CHD1: variants seen among roughly 807,000 people sequenced by gnomAD.
CHD1 encodes the protein ATP-dependent chromatin remodeler CHD1.
In CHD1, 36 loss-of-function variants were observed where a neutral mutation model predicts 224.2. The observed-to-expected ratio is 0.16, with a 90% CI of 0.12 to 0.21. CHD1 has a LOEUF of 0.21. Ranked by LOEUF, CHD1 falls within the 10% of genes least tolerant of loss-of-function variation. CHD1 has a pLI of 1.00. For missense variants in CHD1, 1,378 were observed against 1,994.8 expected (o/e 0.69, Z 5.89); for synonymous variants, 668 against 658.3 (o/e 1.01, Z -0.23).
intron 19 of CHD1, among the ~76,000 whole-genome samples, chr5:98,882,608 G>T (rs770650563): frequency 9.2e-5 from 14 of 152,074 alleles, no homozygotes; most frequent in Non-Finnish European, 1.8e-4. Context: ...CTAGGTCAAA[G>T]ATTCTGCAGT....
At chr5:98,925,303 C>T (rs1392211841) in intron 2 of CHD1, among the ~76,000 whole-genome samples, 1 of 152,096 alleles carries the variant, frequency 6.6e-6, no homozygotes, top group African/African-American at 2.4e-5. Context: ...CACTATGCTG[C>T]CTAAACTGGT....
rs775622737 is a variant in CHD1 at position 98,872,460 on chromosome 5, G to T, written c.3667C>A (p.Pro1223Thr). 1.2e-6 allele frequency: 2 copies of T among 1,613,022 alleles called. No individual in the cohort carries two copies. The highest frequency in any genetic ancestry group is 1.3e-5 in the African/African-American group (1 of 74,788). Reference protein sequence around the residue: ...LVISHEEELIPLHKSIPSDPE... With the variant: ...LVISHEEELITLHKSIPSDPE... ...TCAGAAGGAATGGATTTGTGCAAAG[G>T]TATTAATTCTTCTTCATGGGAGATG... The change falls in exon 27 of 36, where the codon CCT (proline) becomes ACT (threonine). Residue 1223 changes from proline to threonine, a missense_variant. Pro to Thr is a conservative substitution (Grantham distance 38). Coordinates refer to ENST00000614616, the MANE Select transcript of CHD1 (RefSeq NM_001270.4).
intron 2 of CHD1, among the ~76,000 whole-genome samples, chr5:98,913,387 T>A (rs996421104): frequency 6.6e-6 from 1 of 152,034 alleles, no homozygotes; most frequent in Non-Finnish European, 1.5e-5. Flanking sequence ...GGGAGGAGGA[T>A]CCCTTAAACC....
chr5:98,915,921 G>A (rs545780124), intron 2 of CHD1, among the ~76,000 whole-genome samples: 10 of 152,218 alleles, frequency 6.6e-5, no homozygotes, highest in South Asian at 2.1e-4. Flanking sequence ...GGCTGGGCGC[G>A]GTGGCTCACA....
At chr5:98,910,881 CA>C (rs901333200) in intron 2 of CHD1, among the ~76,000 whole-genome samples, 57 of 149,098 alleles carry the variant, frequency 3.8e-4, no homozygotes, top group Non-Finnish European at 5.5e-4. Context: ...AATAGTGATA[CA>C]AAAAAAAATG....
chr5:98,858,537 G>A lies in CHD1; in HGVS notation c.4577-147C>T, dbSNP rs143451183. On this transcript the variant is annotated intron_variant, in intron 34 of 35. Coordinates refer to ENST00000614616, the MANE Select transcript of CHD1 (RefSeq NM_001270.4). ...AGCAGTTAAAGCATTTAGAAATGGT[G>A]TATAAAAGCAGTACTAAGGATTAAT... The A allele has an allele frequency of 1.8e-4, 112 of 637,270 alleles. 1 individual carries two copies. In the African/African-American group the frequency reaches 1.8e-3, roughly 10 times the overall value. 39.5% of individuals were successfully genotyped at this position (637,270 alleles called of 1,614,324 possible).
At chr5:98,900,731 G>A in intron 7 of CHD1, 80 bp downstream of exon 7, 1 of 1,255,530 alleles carries the variant, frequency 8.0e-7, no homozygotes, top group Non-Finnish European at 1.1e-6. Flanking sequence ...GGATTACAGG[G>A]GCGACCCACT....
chr5:98,875,799 T>G (rs1749704307), intron 24 of CHD1, among the ~76,000 whole-genome samples: 1 of 152,142 alleles, frequency 6.6e-6, no homozygotes, highest in African/African-American at 2.4e-5. Flanking sequence ...CAAAACTGAA[T>G]AAGATTTTAA....
chr5:98,911,585 C>G (rs1275013949), intron 2 of CHD1, among the ~76,000 whole-genome samples: 1 of 152,090 alleles, frequency 6.6e-6, no homozygotes, highest in African/African-American at 2.4e-5. Context: ...AACCGGACAC[C>G]ATGTCCTGGT....
intron 28 of CHD1, 60 bp downstream of exon 28, chr5:98,871,991 A>G: frequency 7.2e-7 from 1 of 1,397,594 alleles, no homozygotes; most frequent in Non-Finnish European, 9.6e-7. Context: ...TTTAAAAGCA[A>G]GAATTAGAAT....
intron 2 of CHD1, among the ~76,000 whole-genome samples, chr5:98,911,146 A>AAAAAATATATATATATATATATATAT (rs1491111295): frequency 2.6e-5 from 1 of 39,144 alleles, no homozygotes; most frequent in Non-Finnish European, 4.5e-5. Context: ...AAAAAAAAAA[A>AAAAAATATATATATATATATATATAT]ATATATATAT....
In CHD1 at chr5:98,928,967, A is replaced by C. The variant is rs948907116; in HGVS notation, c.-577T>G. 1 of 153,252 alleles carries C rather than the reference A, an allele frequency of 6.5e-6. No individual in the cohort carries two copies. The highest frequency in any genetic ancestry group is 1.5e-5 in the Non-Finnish European group (1 of 68,612). 9.5% of individuals were successfully genotyped at this position (153,252 alleles called of 1,614,324 possible). ...GTCGCCTCCGCCTCCCGCGCGACGTAAGCGCCTCTGCTCACTCCCCTTCCC... is the reference window on the plus strand; with the variant it reads ...GTCGCCTCCGCCTCCCGCGCGACGTCAGCGCCTCTGCTCACTCCCCTTCCC... On this transcript the variant is annotated 5_prime_UTR_variant, in exon 1 of 36. Transcript: ENST00000614616.
At chr5:98,879,132 G>C (rs1490519665) in intron 23 of CHD1, among the ~76,000 whole-genome samples, 1 of 152,174 alleles carries the variant, frequency 6.6e-6, no homozygotes, top group African/African-American at 2.4e-5. Flanking sequence ...TATTTGGGAG[G>C]CTGAAGTGGG....
chr5:98,896,265 A>G lies in CHD1; in HGVS notation c.1671T>C (p.Asn557=). ...REIQTWASQM[N]AVVYLGDINS... ...TAATGTCACCTAAATAAACCACAGCATTCATTTGAGAAGCCCAAGTCTGAA... is the reference window on the plus strand; with the variant it reads ...TAATGTCACCTAAATAAACCACAGCGTTCATTTGAGAAGCCCAAGTCTGAA... Residue 557 remains asparagine, a synonymous_variant, in exon 12 of 36, where the codon AAT becomes AAC. Coordinates refer to ENST00000614616, the MANE Select transcript of CHD1 (RefSeq NM_001270.4). 6.2e-7 allele frequency: 1 copy of G among 1,614,108 alleles called. No homozygotes were observed.
chr5:98,926,362 T>C lies in CHD1; in HGVS notation c.25A>G (p.Ser9Gly), dbSNP rs1561286113. The change falls in exon 2 of 36, where the codon AGT becomes GGT. Residue 9 changes from serine to glycine, a missense_variant. Coordinates refer to ENST00000614616, the MANE Select transcript of CHD1 (RefSeq NM_001270.4). ...GATTCTCCACTACTGTTTCTAACAC[T>C]TTCTTCATCACTGTGTCCATTCATT... MNGHSDEE[S>G]VRNSSGESSQ... 1.3e-6 allele frequency: 2 copies of C among 1,527,824 alleles called. No homozygotes were observed. The highest frequency in any genetic ancestry group is 1.8e-6 in the Non-Finnish European group (2 of 1,136,996). 94.6% of individuals were successfully genotyped at this position (1,527,824 alleles called of 1,614,324 possible).
chr5:98,869,562 TA>T (rs1391585374), intron 30 of CHD1, 191 bp downstream of exon 30: 5 of 606,504 alleles, frequency 8.2e-6, no homozygotes, highest in Non-Finnish European at 1.4e-5. Context: ...ACTGGACAGT[TA>T]GAATTCTGTT....
Position 98,860,131 on chromosome 5 carries a change from TG to T in CHD1, c.4428-64del, listed in dbSNP as rs773750911. 5.8e-6 allele frequency: 5 copies of T among 861,036 alleles called. No individual in the cohort carries two copies. The African/African-American group carries it at 6.7e-5, about 12-fold the overall frequency. The allele number at this position is 861,036 out of a possible 1,614,324, so 53.3% of individuals were successfully genotyped here. A position where few individuals can be genotyped will look rare whatever the true frequency, so the allele number is the denominator to read the frequency against. ...GGTGGAAAATATTTAGTTTTTTTCA[TG>T]GAACTCCTTCCCTCCAGGCACAAAC... On this transcript the variant is annotated intron_variant, in intron 32 of 35. Transcript: ENST00000614616.
At chr5:98,895,290 T>C (rs1233741264) in intron 12 of CHD1, among the ~76,000 whole-genome samples, 1 of 152,214 alleles carries the variant, frequency 6.6e-6, no homozygotes. Context: ...AATAATGTAA[T>C]GTTTATGGAT....
At chr5:98,920,300 CTT>C (rs1201940258) in intron 2 of CHD1, among the ~76,000 whole-genome samples, 2 of 152,062 alleles carry the variant, frequency 1.3e-5, no homozygotes, top group African/African-American at 2.4e-5. Flanking sequence ...GACAAAATGA[CTT>C]GCTTCCAAAG....
Sources: gnomAD v4.1 joint callset for allele counts (sites outside exome capture counted in the v4.1 genomes callset) on GRCh38, gnomAD v4.1.1 for gene constraint, MANE v1.5 for transcripts, NCBI Gene and HGNC (gene_info 2026-07-23, HGNC 2026-07-21) for gene names.